The following TRAPPC10 variants were observed in gnomAD, a reference collection of about 807,000 sequenced individuals.
TRAPPC10 encodes the protein TRAPP 130 kDa subunit.
In TRAPPC10, 23 loss-of-function variants were observed where a neutral mutation model predicts 125.5. The observed-to-expected ratio is 0.18, with a 90% CI of 0.13 to 0.26. The LOEUF (loss-of-function observed/expected upper bound fraction) is 0.26. Ranked by LOEUF, TRAPPC10 falls within the 10% of genes least tolerant of loss-of-function variation. TRAPPC10 has a pLI of 1.00. For missense variants in TRAPPC10, 1,123 were observed against 1,308.4 expected (o/e 0.86, Z 2.19); for synonymous variants, 509 against 518.0 (o/e 0.98, Z 0.24).
intron 3 of TRAPPC10, among the ~76,000 whole-genome samples, chr21:44,041,141 T>A (rs1237459279): frequency 6.6e-6 from 1 of 152,064 alleles, no homozygotes; most frequent in Non-Finnish European, 1.5e-5. Context: ...AATTTGGAAG[T>A]TTTTACTTAC....
In TRAPPC10 at chr21:44,086,880, G is replaced by A. The variant is rs760989783; in HGVS notation, c.2459G>A (p.Ser820Asn). 5.6e-6 allele frequency: 9 copies of A among 1,614,210 alleles called. No homozygotes were observed. Among genetic ancestry groups the A allele is most frequent in the Admixed American group, 3.3e-5 (2 of 60,026 alleles). The part of the protein sequence containing the change: ...TGHYTIKNGD[S>N]LQLSNAEAML... ...CATTATACGATAAAGAATGGAGACA[G>A]CCTGCAGCTTAGCAATGCCGAAGCC... Residue 820 changes from serine (S) to asparagine (N), a missense_variant, in exon 16 of 23, where the codon AGC becomes AAC. By Grantham distance (46) the Ser-to-Asn change is conservative. Transcript: ENST00000291574.
rs1428574267 is a variant in TRAPPC10, at chr21:44,063,800, T to C, written c.1038+15T>C. 1 of 1,606,304 alleles carries C rather than the reference T, an allele frequency of 6.2e-7. No homozygotes were observed. The highest frequency in any genetic ancestry group is 1.1e-5 in the South Asian group (1 of 90,418). ...AGCTCTTAGAAGTGAGTCGGCTGTT[T>C]TCCCAATTTACCCGTTTCTTGATTG... On this transcript the variant is annotated intron_variant, in intron 7 of 22. Coordinates refer to ENST00000291574, the MANE Select transcript of TRAPPC10 (RefSeq NM_003274.5). The surrounding 1 kb of genome is among the most constrained non-coding windows in gnomAD (Gnocchi z 4.4).
intron 1 of TRAPPC10, among the ~76,000 whole-genome samples, chr21:44,014,587 G>GTTTTTTTTT (rs1219684030): frequency 8.7e-6 from 1 of 114,776 alleles, no homozygotes; most frequent in African/African-American, 6.1e-5. Context: ...TTGTTTGTTT[G>GTTTTTTTTT]TTTTTGTTTT....
chr21:44,082,715 G>A lies in TRAPPC10; in HGVS notation c.1724-73G>A. ...AGTCTGCTCTCGGTGATCTTACTGT[G>A]TCCGCGGCCTGCTGCTGCTTACTGT... On this transcript the variant is annotated intron_variant, in intron 13 of 22. Coordinates refer to ENST00000291574, the MANE Select transcript of TRAPPC10 (RefSeq NM_003274.5). The surrounding 1 kb of genome is among the most constrained non-coding windows in gnomAD (Gnocchi z 4.4). 1.3e-6 allele frequency: 2 copies of A among 1,545,132 alleles called. No homozygotes were observed. The highest frequency in any genetic ancestry group is 2.4e-5 in the South Asian group (2 of 84,996).
chr21:44,046,475 A>G, intron 3 of TRAPPC10: 1 of 262,826 alleles, frequency 3.8e-6, no homozygotes, highest in South Asian at 4.8e-5. Context: ...GCAAGTTGCA[A>G]GTGACAAGGG....
Position 44,075,116 on chromosome 21 carries a change from C to T in TRAPPC10, c.1263C>T (p.Asp421=), listed in dbSNP as rs2037179008. ...PNSEDLNRTV[D]LLAGLGAERP... ...CAGAAGATCTCAACAGGACAGTTGA[C>T]CTTTTGGCAGGTTTGGGAGCTGAGC... is the stretch of plus-strand genomic sequence containing the variant. The change falls in exon 9 of 23, where the codon GAC becomes GAT. Residue 421 remains aspartate, a synonymous_variant. Transcript: ENST00000291574. 1.2e-6 allele frequency: 2 copies of T among 1,614,124 alleles called. No individual in the cohort carries two copies. The highest frequency in any genetic ancestry group is 2.2e-5 in the South Asian group (2 of 91,080).
intron 6 of TRAPPC10, among the ~76,000 whole-genome samples, chr21:44,061,700 A>G (rs1345222759): frequency 6.6e-6 from 1 of 152,244 alleles, no homozygotes; most frequent in Non-Finnish European, 1.5e-5. Context: ...ACTGAGCACC[A>G]AATAGAATAA....
At chr21:44,072,356 C>T (rs919802849) in intron 7 of TRAPPC10, among the ~76,000 whole-genome samples, 9 of 152,178 alleles carry the variant, frequency 5.9e-5, no homozygotes, top group Non-Finnish European at 1.0e-4. Context: ...TGCCGCGGCT[C>T]CGCTGCTGTG....
At chr21:44,054,178 G>C (rs565585635) in intron 4 of TRAPPC10, among the ~76,000 whole-genome samples, 58 of 152,304 alleles carry the variant, frequency 3.8e-4, no homozygotes, top group Non-Finnish European at 6.9e-4. Context: ...ATAAATACAA[G>C]TTAGTCCTCT....
At chr21:44,062,983 A>G (rs1186987007) in intron 6 of TRAPPC10, 3 of 1,302,822 alleles carry the variant, frequency 2.3e-6, no homozygotes, top group Non-Finnish European at 3.0e-6. Flanking sequence ...CCTTGCTGAA[A>G]TTTTCGACAA....
chr21:44,039,108 GTTGTCCCC>G (rs1222871528), intron 3 of TRAPPC10, among the ~76,000 whole-genome samples: 1 of 152,242 alleles, frequency 6.6e-6, no homozygotes, highest in African/African-American at 2.4e-5. Context: ...GCGTGGGGCT[GTTGTCCCC>G]TTGCGATCAG....
At chr21:44,076,753 T>C (rs2037314597) in intron 10 of TRAPPC10, 125 bp downstream of exon 10, 1 of 678,518 alleles carries the variant, frequency 1.5e-6, no homozygotes, top group Admixed American at 2.8e-5. Context: ...TTTTTTTTAG[T>C]TTCTTTGGTA....
chr21:44,019,781 C>T (rs2032291502), intron 1 of TRAPPC10, among the ~76,000 whole-genome samples: 1 of 152,218 alleles, frequency 6.6e-6, no homozygotes, highest in African/African-American at 2.4e-5. Context: ...GCACCACTGT[C>T]TGTGTTAGCT....
intron 7 of TRAPPC10, among the ~76,000 whole-genome samples, chr21:44,072,286 G>A (rs747473149): frequency 1.3e-5 from 2 of 152,194 alleles, no homozygotes; most frequent in South Asian, 2.1e-4. Flanking sequence ...TCAGTTCAGC[G>A]CCTGGTCGCG....
Position 44,063,982 on chromosome 21 carries a change from A to G in TRAPPC10, c.1038+197A>G, listed in dbSNP as rs771758636. Among the ~76,000 whole-genome samples the G allele has an allele frequency of 5.3e-5, 8 of 152,194 alleles. No homozygotes were observed. Among genetic ancestry groups the G allele is most frequent in the Non-Finnish European group, 8.8e-5 (6 of 68,030 alleles). ...GCTCAAAAATAGAACTCTGTTCTCA[A>G]CATGCTGGAGTTTGTGCCGGTCCAG... On this transcript the variant is annotated intron_variant, in intron 7 of 22. Coordinates refer to ENST00000291574, the MANE Select transcript of TRAPPC10 (RefSeq NM_003274.5). This position sits in a 1 kb window ranked among gnomAD's most constrained non-coding sequence, Gnocchi z 4.4.
rs532057370 is a variant in TRAPPC10 at position 44,040,338 on chromosome 21, TTCTC to T, written c.285+2419_285+2422del. 3.7e-3 allele frequency among the ~76,000 whole-genome samples: 565 copies of T among 152,146 alleles called. 6 individuals carry two copies. The highest frequency in any genetic ancestry group is 0.013 in the African/African-American group (535 of 41,522). On this transcript the variant is annotated intron_variant, in intron 3 of 22. Transcript: ENST00000291574. The stretch of plus-strand genomic sequence containing the variant: ...TTATTTTATTAGAGATTTTTAAAAA[TTCTC>T]TCTCTCTTTTTTTTTTTAAAGACAA...
chr21:44,086,919 G>A lies in TRAPPC10; in HGVS notation c.2498G>A (p.Cys833Tyr), dbSNP rs1271939258. ...AATGCCGAAGCCATGCTCATCCTGTGCCAGGCGGAGAGCAGGGCTGTGGTC... is the reference window on the plus strand; with the variant it reads ...AATGCCGAAGCCATGCTCATCCTGTACCAGGCGGAGAGCAGGGCTGTGGTC... ...LSNAEAMLILCQAESRAVVYS... is the reference protein window; with the variant it reads ...LSNAEAMLILYQAESRAVVYS... Residue 833 changes from cysteine (C) to tyrosine (Y), a missense_variant, in exon 16 of 23, where the codon TGC (cysteine) becomes TAC (tyrosine). Physicochemically the swap from Cys to Tyr is radical, Grantham distance 194. Coordinates refer to ENST00000291574, the MANE Select transcript of TRAPPC10 (RefSeq NM_003274.5). 1.2e-6 allele frequency: 2 copies of A among 1,614,192 alleles called. No individual in the cohort carries two copies. The highest frequency in any genetic ancestry group is 1.7e-6 in the Non-Finnish European group (2 of 1,180,030).
At position 44,037,787 on chromosome 21, in the gene TRAPPC10, T is replaced by G. The variant is rs2034098191; in HGVS notation, c.150-5T>G. 2 of 1,611,544 alleles carry G rather than the reference T, an allele frequency of 1.2e-6. No individual in the cohort carries two copies. Among genetic ancestry groups the G allele is most frequent in the African/African-American group, 2.7e-5 (2 of 74,788 alleles). On this transcript the variant is annotated splice_region_variant and splice_polypyrimidine_tract_variant and intron_variant, in intron 2 of 22. Transcript: ENST00000291574. Reference sequence around the variant, plus strand: ...TTCTCAGTGACTTCAAACAATTGTTTACAGGTCCTATGGCCGGGCTCCGAA... The same window carrying G: ...TTCTCAGTGACTTCAAACAATTGTTGACAGGTCCTATGGCCGGGCTCCGAA...
chr21:44,043,482 G>A (rs2034561770), intron 3 of TRAPPC10, among the ~76,000 whole-genome samples: 1 of 152,096 alleles, frequency 6.6e-6, no homozygotes, highest in South Asian at 2.1e-4. Context: ...AAAGTGCTGG[G>A]ATTGCAAGCG....
Sources: allele counts gnomAD v4.1 joint callset (sites outside exome capture counted in the v4.1 genomes callset), GRCh38; gene constraint gnomAD v4.1.1; non-coding constraint Gnocchi (gnomAD v3.1); transcripts MANE v1.5; gene names NCBI Gene and HGNC (gene_info 2026-07-23, HGNC 2026-07-21).